Variants in RAB9B observed in about 807,000 individuals in gnomAD.
The protein encoded by RAB9B is RAB9B, member RAS oncogene family, also known as ras-related protein Rab-9B.
In RAB9B, 1 loss-of-function variant was observed where a neutral mutation model predicts 8.9. That is an observed-to-expected ratio of 0.11 (90% CI 0.04 to 0.53). RAB9B has a LOEUF of 0.53. RAB9B is among the 20% of genes least tolerant of loss of function. The probability of loss-of-function intolerance (pLI) is 0.93; values close to 1 mark genes in which losing one functional copy is unlikely to be tolerated. For synonymous variants in RAB9B, 63 were observed against 57.0 expected (o/e 1.10, Z -0.47); for missense variants, 82 against 152.9 (o/e 0.54, Z 2.45).
chrX:103,790,446 C>T, the RAB9B span: 2 of 703,914 alleles, frequency 2.8e-6, no homozygotes, highest in Non-Finnish European at 4.6e-6. Flanking sequence ...TATTTCTACC[C>T]TTCCTCATTC....
At chrX:103,809,968 G>C in the RAB9B span, among the ~76,000 whole-genome samples, 1 of 111,370 alleles carries the variant, frequency 9.0e-6, no homozygotes, top group Non-Finnish European at 1.9e-5. Flanking sequence ...CCCTATGCCT[G>C]GCCCTGCACT....
chrX:103,811,922 C>T, the RAB9B span, among the ~76,000 whole-genome samples: 8 of 109,604 alleles, frequency 7.3e-5, no homozygotes, highest in East Asian at 2.9e-4. Context: ...TTACAGATAG[C>T]TACCCTCTTC....
downstream of RAB9B, chrX:103,822,282 A>G (rs970835059): frequency 7.1e-5 from 8 of 112,058 alleles, 1 homozygote; most frequent in African/African-American, 9.7e-5. Context: ...CACACCCACC[A>G]ATTTCTCAAA....
At chrX:103,800,187 T>C in the RAB9B span, among the ~76,000 whole-genome samples, 1 of 111,458 alleles carries the variant, frequency 9.0e-6, no homozygotes, top group Non-Finnish European at 1.9e-5. Context: ...TCATTCATTA[T>C]ACTATATTTA....
intron 1 of RAB9B, among the ~76,000 whole-genome samples, chrX:103,828,718 A>C (rs184627782): frequency 8.9e-6 from 1 of 112,200 alleles, no homozygotes; most frequent in Non-Finnish European, 1.9e-5. Context: ...AGGAATAATG[A>C]TGATGTATTA....
At chrX:103,816,880 A>C in the RAB9B span, among the ~76,000 whole-genome samples, 1 of 112,592 alleles carries the variant, frequency 8.9e-6, no homozygotes, top group East Asian at 2.8e-4. Flanking sequence ...CCACAATGAG[A>C]TACCTTCTCA....
At chrX:103,809,317 T>C in the RAB9B span, among the ~76,000 whole-genome samples, 4 of 111,985 alleles carry the variant, frequency 3.6e-5, no homozygotes, top group Non-Finnish European at 5.6e-5. Flanking sequence ...TTCTTTCTTT[T>C]TTTATGGAGT....
rs2074675663 is a variant in RAB9B, at chrX:103,824,550, T to C, written c.*629A>G. The C allele has an allele frequency of 8.9e-6, 1 of 112,219 alleles. No homozygotes were observed. Among genetic ancestry groups the C allele is most frequent in the Non-Finnish European group, 1.9e-5 (1 of 53,224 alleles). 9.2% of individuals were successfully genotyped at this position (112,219 alleles called of 1,213,427 possible). A position where few individuals can be genotyped will look rare whatever the true frequency, so the allele number is the denominator to read the frequency against. On this transcript the variant is annotated 3_prime_UTR_variant, in exon 3 of 3. Coordinates refer to ENST00000243298, the MANE Select transcript of RAB9B (RefSeq NM_016370.4). ...GAAGTATAATCAATTGCCAGTGTCA[T>C]TAGAGTATCTCTTATTGAGATGGGA...
the RAB9B span, among the ~76,000 whole-genome samples, chrX:103,789,796 T>C: frequency 8.9e-6 from 1 of 111,869 alleles, no homozygotes; most frequent in African/African-American, 3.3e-5. Context: ...TTCTATATAC[T>C]ATCAATATGA....
chrX:103,809,092 G>A, the RAB9B span, among the ~76,000 whole-genome samples: 21,709 of 111,355 alleles, frequency 0.19, 1,903 homozygotes, highest in Admixed American at 0.3. Context: ...GGTCATGAGG[G>A]TGGGGTCCTC....
the RAB9B span, among the ~76,000 whole-genome samples, chrX:103,795,494 C>G: frequency 9.0e-6 from 1 of 111,011 alleles, no homozygotes; most frequent in Non-Finnish European, 1.9e-5. Context: ...AATATTAAAA[C>G]CAAACAAGCC....
the RAB9B span, among the ~76,000 whole-genome samples, chrX:103,794,214 T>A: frequency 9.0e-6 from 1 of 111,474 alleles, no homozygotes; most frequent in South Asian, 3.8e-4. Context: ...AGTGGGCATC[T>A]GAATTCTCCC....
At chrX:103,784,587 C>G in the RAB9B span, among the ~76,000 whole-genome samples, 2 of 111,989 alleles carry the variant, frequency 1.8e-5, no homozygotes, top group South Asian at 7.4e-4. Context: ...GCAACAAATA[C>G]ACACGATGCT....
Position 103,824,695 on chromosome X carries a change from T to C in RAB9B, c.*484A>G, listed in dbSNP as rs751360978. 2.7e-5 allele frequency: 3 copies of C among 112,520 alleles called. No homozygotes were observed. In the Admixed American group the frequency reaches 2.8e-4, roughly 11 times the overall value. 9.3% of individuals were successfully genotyped at this position (112,520 alleles called of 1,213,427 possible). On this transcript the variant is annotated 3_prime_UTR_variant, in exon 3 of 3. Transcript: ENST00000243298. ...TTCTTTAATTCAAGCCTAGGAATCC[T>C]TATTTGCATTATTATTTTTATTGTA...
chrX:103,818,560 A>C (rs1038949770), downstream of RAB9B, among the ~76,000 whole-genome samples: 3 of 112,135 alleles, frequency 2.7e-5, no homozygotes, highest in Non-Finnish European at 5.6e-5. Context: ...AATGTCTAGC[A>C]ATAAGTGTTT....
chrX:103,825,130 C>T lies in RAB9B; in HGVS notation c.*49G>A. 1 of 1,161,238 alleles carries T rather than the reference C, an allele frequency of 8.6e-7. No individual in the cohort carries two copies. The highest frequency in any genetic ancestry group is 1.2e-6 in the Non-Finnish European group (1 of 866,799). ...TCTTAGAGGGGCACAGTTATTCTTA[C>T]ACTACTGACTGATCAATTTGGGGCA... On this transcript the variant is annotated 3_prime_UTR_variant, in exon 3 of 3. Coordinates refer to ENST00000243298, the MANE Select transcript of RAB9B (RefSeq NM_016370.4).
At chrX:103,788,869 T>C in the RAB9B span, 1 of 287,226 alleles carries the variant, frequency 3.5e-6, no homozygotes, top group Non-Finnish European at 6.1e-6. Flanking sequence ...ATTCATAGGT[T>C]TTATGAAAAC....
At chrX:103,788,255 C>T in the RAB9B span, among the ~76,000 whole-genome samples, 2 of 111,859 alleles carry the variant, frequency 1.8e-5, no homozygotes, top group African/African-American at 3.3e-5. Flanking sequence ...CAAGGTTTCA[C>T]CACTGTTCAA....
At chrX:103,796,847 C>CTACAAAAA in the RAB9B span, among the ~76,000 whole-genome samples, 1 of 12,107 alleles carries the variant, frequency 8.3e-5, no homozygotes, top group Non-Finnish European at 1.6e-4. Flanking sequence ...ACCGCCTCTA[C>CTACAAAAA]AAAAAAAAAA....
Sources: gnomAD v4.1 joint callset for allele counts (sites outside exome capture counted in the v4.1 genomes callset) on GRCh38, gnomAD v4.1.1 for gene constraint, MANE v1.5 for transcripts, NCBI Gene and HGNC (gene_info 2026-07-23, HGNC 2026-07-21) for gene names.